Variants in MAST2 observed in about 807,000 individuals in gnomAD.
MAST2 encodes microtubule associated serine/threonine kinase 2.
Under a neutral mutation model 147.4 loss-of-function variants are expected in MAST2, and 70 were observed. That is an observed-to-expected ratio of 0.47 (90% CI 0.39 to 0.58). The LOEUF (loss-of-function observed/expected upper bound fraction) is 0.58, where lower values mean the gene tolerates loss of function less well. Ranked by LOEUF, MAST2 falls within the 20% of genes least tolerant of loss-of-function variation. MAST2 has a pLI of 0.00. For synonymous variants in MAST2, 869 were observed against 896.8 expected (o/e 0.97, Z 0.55); for missense variants, 2,080 against 2,302.3 (o/e 0.90, Z 1.98).
chr1:45,962,351 C>T (rs1249750648), intron 5 of MAST2, among the ~76,000 whole-genome samples: 1 of 151,982 alleles, frequency 6.6e-6, no homozygotes, highest in Non-Finnish European at 1.5e-5. Context: ...GCCACACTGA[C>T]TTCCACAATG....
chr1:45,899,393 CTAGTGAACCCATCAGCCAAA>C (rs1380872974), intron 4 of MAST2, among the ~76,000 whole-genome samples: 4 of 136,216 alleles, frequency 2.9e-5, no homozygotes, highest in Non-Finnish European at 1.5e-5. Context: ...GTTTCGGCTT[CTAGTGAACCCATCAGCCAAA>C]TAGTGAACAT....
chr1:45,970,042 G>T (rs150664751), intron 5 of MAST2, among the ~76,000 whole-genome samples: 1 of 152,166 alleles, frequency 6.6e-6, no homozygotes, highest in African/African-American at 2.4e-5. Flanking sequence ...AGTAGAGCTG[G>T]CATTGATGAA....
At chr1:46,001,069 G>A (rs1259949322) in intron 6 of MAST2, 1 of 1,045,512 alleles carries the variant, frequency 9.6e-7, no homozygotes, top group African/African-American at 1.6e-5. Flanking sequence ...GGTGAAAACT[G>A]GTTGTGATGA....
intron 4 of MAST2, among the ~76,000 whole-genome samples, chr1:45,890,590 C>T (rs543862583): frequency 3.9e-5 from 6 of 152,252 alleles, no homozygotes; most frequent in Admixed American, 3.3e-4. Context: ...CCCCTATGAC[C>T]TCATTTAACC....
intron 15 of MAST2, among the ~76,000 whole-genome samples, chr1:46,024,944 C>T (rs922082783): frequency 3.3e-5 from 5 of 152,180 alleles, no homozygotes; most frequent in African/African-American, 1.2e-4. Flanking sequence ...GGAGGCCTCA[C>T]AATCATGGCA....
chr1:45,960,143 G>A (rs534358904), intron 5 of MAST2, among the ~76,000 whole-genome samples: 4 of 152,248 alleles, frequency 2.6e-5, no homozygotes, highest in African/African-American at 7.2e-5. Context: ...GATTCAGGCT[G>A]CTCTAGCCCT....
chr1:45,932,711 A>T (rs1032926379), intron 4 of MAST2, among the ~76,000 whole-genome samples: 1 of 151,882 alleles, frequency 6.6e-6, no homozygotes, highest in Non-Finnish European at 1.5e-5. Flanking sequence ...AATTTAGTGG[A>T]TTTGTCTTAT....
chr1:45,981,916 C>T lies in MAST2; in HGVS notation c.593-15808C>T, dbSNP rs551555483. 7.9e-5 allele frequency among the ~76,000 whole-genome samples: 12 copies of T among 151,008 alleles called. No individual in the cohort carries two copies. In the South Asian group the frequency reaches 2.3e-3, roughly 29 times the overall value. Reference sequence around the variant, plus strand: ...AGTGCAGTGGTATGATCTCAGCTCACCGCAACCTCTACCTCCCTGGTTCAA... The same window carrying T: ...AGTGCAGTGGTATGATCTCAGCTCATCGCAACCTCTACCTCCCTGGTTCAA... On this transcript the variant is annotated intron_variant, in intron 5 of 28. Coordinates refer to ENST00000361297, the MANE Select transcript of MAST2 (RefSeq NM_015112.3).
chr1:45,989,961 G>C (rs953341984), intron 5 of MAST2, among the ~76,000 whole-genome samples: 4 of 152,218 alleles, frequency 2.6e-5, no homozygotes, highest in Non-Finnish European at 4.4e-5. Flanking sequence ...ATGTGCCACA[G>C]TATGTTTATC....
chr1:45,959,324 A>C, intron 4 of MAST2, 62 bp from the exon 5 acceptor site: 1 of 1,357,594 alleles, frequency 7.4e-7, no homozygotes. Flanking sequence ...CTTAAAAACC[A>C]CTCAAGGTCT....
At chr1:45,809,305 A>G (rs1644227836) in intron 1 of MAST2, among the ~76,000 whole-genome samples, 1 of 152,330 alleles carries the variant, frequency 6.6e-6, no homozygotes, top group East Asian at 1.9e-4. Flanking sequence ...GCTTCCGCAT[A>G]TTAAAATTCT....
intron 5 of MAST2, among the ~76,000 whole-genome samples, chr1:45,973,237 T>C (rs938771002): frequency 2.1e-4 from 28 of 133,042 alleles, no homozygotes; most frequent in African/African-American, 8.4e-4. Flanking sequence ...TCTTAAGACT[T>C]TCTGTTCTTT....
chr1:45,891,486 C>CA (rs1025161452), intron 4 of MAST2, among the ~76,000 whole-genome samples: 12 of 151,196 alleles, frequency 7.9e-5, no homozygotes, highest in South Asian at 4.2e-4. Flanking sequence ...CAAAACAAAA[C>CA]AAAAAAAAGA....
intron 4 of MAST2, among the ~76,000 whole-genome samples, chr1:45,948,100 A>G (rs1429363566): frequency 6.6e-6 from 1 of 152,230 alleles, no homozygotes; most frequent in Non-Finnish European, 1.5e-5. Context: ...TAGCATTCCT[A>G]TCCGCCAACA....
Position 46,031,310 on chromosome 1 carries a change from C to T in MAST2, c.2992+20C>T. The T allele has an allele frequency of 6.5e-7, 1 of 1,542,764 alleles. No homozygotes were observed. The highest frequency in any genetic ancestry group is 8.8e-7 in the Non-Finnish European group (1 of 1,141,122). On this transcript the variant is annotated intron_variant, in intron 23 of 28. Transcript: ENST00000361297. The surrounding 1 kb of genome is among the most constrained non-coding windows in gnomAD (Gnocchi z 4.1). ...GTCCAGGTATGGCCCAGTGGGCGGC[C>T]AAACGACCTAAGCTGGAGGATACTG... is the stretch of plus-strand genomic sequence containing the variant.
At position 46,030,697 on chromosome 1, in the gene MAST2, C is replaced by T; in HGVS notation, c.2644C>T (p.His882Tyr). The T allele has an allele frequency of 6.2e-7, 1 of 1,607,448 alleles. No individual in the cohort carries two copies. The highest frequency in any genetic ancestry group is 8.5e-7 in the Non-Finnish European group (1 of 1,177,984). The change falls in exon 22 of 29, where the codon CAT (histidine) becomes TAT (tyrosine). Residue 882 changes from histidine to tyrosine, a missense_variant. Physicochemically the swap from His to Tyr is moderately conservative, Grantham distance 83. Around this residue, in one of 4 missense-constraint regions of MAST2, gnomAD observed 1,278 missense variants for 1,304.2 expected, o/e 0.98. Transcript: ENST00000361297. ...KRSLSEEKED[H>Y]SDGLAGLKGR... ...CAGCCTGAGTGAGGAGAAGGAGGAC[C>T]ATTCAGATGGCCTGGCAGGGCTCAA... is the stretch of plus-strand genomic sequence containing the variant.
intron 4 of MAST2, among the ~76,000 whole-genome samples, chr1:45,957,404 C>T (rs765637424): frequency 2.0e-5 from 3 of 152,148 alleles, no homozygotes; most frequent in African/African-American, 4.8e-5. Context: ...ACAATCTCTG[C>T]CTTAACTGGC....
chr1:45,811,338 AT>A (rs57495413), intron 1 of MAST2, among the ~76,000 whole-genome samples: 2,064 of 112,974 alleles, frequency 0.018, 60 homozygotes, highest in African/African-American at 0.066. Context: ...GTATTTTTGT[AT>A]TTTTTTTTTT....
At position 46,032,316 on chromosome 1, in the gene MAST2, G is replaced by A. The variant is rs771819076; in HGVS notation, c.3326G>A (p.Arg1109Gln). The change falls in exon 25 of 29, where the codon CGA becomes CAA. Residue 1109 changes from arginine to glutamine, a missense_variant. By Grantham distance (43) the Arg-to-Gln change is conservative (BLOSUM62 1). This residue lies in a region of MAST2 where 1,278 missense variants were observed against 1,304.2 expected (regional missense o/e 0.98). Transcript: ENST00000361297. Reference protein sequence around the residue: ...GSMRPPIIIHRAGKKYGFTLR... With the variant: ...GSMRPPIIIHQAGKKYGFTLR... ...ATGAGGCCTCCCATCATCATCCACC[G>A]AGCTGGCAAGAAGTATGGCTTCACC... is the stretch of plus-strand genomic sequence containing the variant. 16 of 1,614,058 alleles carry A rather than the reference G, an allele frequency of 9.9e-6. No homozygotes were observed. In the East Asian group the frequency reaches 1.8e-4, roughly 18 times the overall value.
Sources: allele counts gnomAD v4.1 joint callset (sites outside exome capture counted in the v4.1 genomes callset), GRCh38; gene constraint gnomAD v4.1.1; regional missense constraint gnomAD v4.1.1; non-coding constraint Gnocchi (gnomAD v3.1); transcripts MANE v1.5; gene names NCBI Gene and HGNC (gene_info 2026-07-23, HGNC 2026-07-21).